The following BAHCC1 variants were observed in gnomAD, a reference collection of about 807,000 sequenced individuals.
BAHCC1 encodes the protein BAH domain and coiled-coil containing 1.
A neutral mutation model predicts 88.2 loss-of-function variants in BAHCC1; 43 were observed. The ratio of observed to expected loss-of-function variants is 0.49; its 90% CI spans 0.38 to 0.63. The LOEUF (loss-of-function observed/expected upper bound fraction) is 0.63. Ranked by LOEUF, BAHCC1 falls within the 20% of genes least tolerant of loss-of-function variation. BAHCC1 has a pLI of 0.00. For synonymous variants in BAHCC1, 1,510 were observed against 745.5 expected, an observed-to-expected ratio of 2.03 and a Z score of -16.71; for missense variants, 3,023 against 1,654.8, an observed-to-expected ratio of 1.83 and a Z score of -14.34.
At chr17:81,440,762 C>A (rs551344048) in intron 4 of BAHCC1, among the ~76,000 whole-genome samples, 26 of 152,326 alleles carry the variant, frequency 1.7e-4, no homozygotes, top group African/African-American at 6.3e-4. Flanking sequence ...CACTCACCCC[C>A]CACCAGGCAG....
At position 81,444,551 on chromosome 17, in the gene BAHCC1, T is replaced by TG. The variant is rs1555653772; in HGVS notation, c.2502dup (p.His835AlafsTer245). On this transcript the variant is annotated frameshift_variant, in exon 7 of 28. Transcript: ENST00000675386. LOFTEE classifies it high-confidence loss of function. ...CGCACCCGCAGCCCCTCCCTGTGGA[T>TG]GGGGGGGCACTCCTACGGTCAGTGA... 3 of 720,254 alleles carry TG rather than the reference T, an allele frequency of 4.2e-6. No homozygotes were observed. Among genetic ancestry groups the TG allele is most frequent in the South Asian group, 1.5e-5 (1 of 66,800 alleles). The allele number at this position is 720,254 out of a possible 1,614,324, so 44.6% of individuals were successfully genotyped here.
Position 81,447,315 on chromosome 17 carries a change from C to A in BAHCC1, c.3443C>A (p.Pro1148His). 2.7e-6 allele frequency: 2 copies of A among 743,700 alleles called. No individual in the cohort carries two copies. Among genetic ancestry groups the A allele is most frequent in the Admixed American group, 1.9e-5 (1 of 52,162 alleles). The allele number at this position is 743,700 out of a possible 1,614,324, so 46.1% of individuals were successfully genotyped here. A position where few individuals can be genotyped will look rare whatever the true frequency, so the allele number is the denominator to read the frequency against. The change falls in exon 11 of 28, where the codon CCC becomes CAC. Residue 1148 changes from proline to histidine, a missense_variant. Transcript: ENST00000675386. ...ERGPQGKAAD[P>H]SPLEGLQELQ... ...GGACCCCAGGGGAAGGCAGCGGACC[C>A]CAGCCCACTAGAGGGGCTACAAGAA... is the stretch of plus-strand genomic sequence containing the variant.
chr17:81,460,027 C>T (rs543315704), intron 23 of BAHCC1, among the ~76,000 whole-genome samples: 4 of 152,032 alleles, frequency 2.6e-5, no homozygotes, highest in Middle Eastern at 3.4e-3. Context: ...GGCACGTGGG[C>T]GTCAGCACGT....
rs2063949109 is a variant in BAHCC1 at position 81,411,439 on chromosome 17, G to T, written c.178+11522G>T. On this transcript the variant is annotated intron_variant, in intron 2 of 27. Coordinates refer to ENST00000675386, the MANE Select transcript of BAHCC1 (RefSeq NM_001377448.1). The surrounding 1 kb of genome is among the most constrained non-coding windows in gnomAD (Gnocchi z 6.2). Reference sequence around the variant, plus strand: ...TGATCAGGGAGGGTGGGGTTGGGGGGGAACAGGGTCCTTGAGGTCGTCAGC... The same window carrying T: ...TGATCAGGGAGGGTGGGGTTGGGGGTGAACAGGGTCCTTGAGGTCGTCAGC... 1 of 360,072 alleles carries T rather than the reference G, an allele frequency of 2.8e-6. No individual in the cohort carries two copies. Among genetic ancestry groups the T allele is most frequent in the Admixed American group, 3.5e-5 (1 of 28,746 alleles). The allele number at this position is 360,072 out of a possible 1,614,324, so 22.3% of individuals were successfully genotyped here. A position where few individuals can be genotyped will look rare whatever the true frequency, so the allele number is the denominator to read the frequency against.
At chr17:81,408,078 G>C (rs912240423) in intron 2 of BAHCC1, among the ~76,000 whole-genome samples, 1 of 152,162 alleles carries the variant, frequency 6.6e-6, no homozygotes, top group Non-Finnish European at 1.5e-5. Flanking sequence ...CGCCTTCCCC[G>C]GCCCCCTTCC....
At chr17:81,405,465 C>T (rs908689853) in intron 2 of BAHCC1, among the ~76,000 whole-genome samples, 6 of 152,032 alleles carry the variant, frequency 3.9e-5, no homozygotes, top group Non-Finnish European at 1.5e-5. Context: ...CCCTTTACTC[C>T]CTCCTCTTCC....
At chr17:81,402,425 T>C (rs2063829176) in intron 2 of BAHCC1, 1 of 152,252 alleles carries the variant, frequency 6.6e-6, no homozygotes, top group Non-Finnish European at 1.5e-5. Flanking sequence ...CTATATATGA[T>C]CTAGTTTAGA....
intron 3 of BAHCC1, among the ~76,000 whole-genome samples, chr17:81,437,609 C>T (rs1210059461): frequency 5.3e-5 from 8 of 152,312 alleles, no homozygotes; most frequent in East Asian, 3.9e-4. Flanking sequence ...GGGCCAGCCG[C>T]GTGGGTGGCT....
chr17:81,453,555 T>C (rs1388350170), intron 14 of BAHCC1, among the ~76,000 whole-genome samples: 2 of 152,066 alleles, frequency 1.3e-5, no homozygotes, highest in Non-Finnish European at 2.9e-5. Context: ...GGAGGGGCTG[T>C]GTGGCTGTGG....
chr17:81,459,249 C>G lies in BAHCC1; in HGVS notation c.5721-4C>G. ...TGGCACCTCACATTCCCCAATGCCC[C>G]CAGCTATAGCATCGTCATCGAGGGC... On this transcript the variant is annotated splice_polypyrimidine_tract_variant and splice_region_variant and intron_variant, in intron 21 of 27. Transcript: ENST00000675386. 1 of 778,918 alleles carries G rather than the reference C, an allele frequency of 1.3e-6. No individual in the cohort carries two copies. Among genetic ancestry groups the G allele is most frequent in the Non-Finnish European group, 2.4e-6 (1 of 417,492 alleles). 48.3% of individuals were successfully genotyped at this position (778,918 alleles called of 1,614,324 possible).
intron 5 of BAHCC1, 46 bp from the exon 6 acceptor site, chr17:81,443,763 C>T (rs1555653431): frequency 1.3e-5 from 9 of 701,654 alleles, no homozygotes; most frequent in Middle Eastern, 2.3e-4. Context: ...TGGTGGCTCC[C>T]TGGCCGCCCC....
At chr17:81,405,437 GT>G (rs377290429) in intron 2 of BAHCC1, among the ~76,000 whole-genome samples, 101 of 152,226 alleles carry the variant, frequency 6.6e-4, no homozygotes, top group African/African-American at 2.2e-3. Flanking sequence ...CCACCCTGGG[GT>G]TGGAGTAAGG....
chr17:81,451,998 C>A lies in BAHCC1; in HGVS notation c.4207C>A (p.Arg1403=). Reference sequence around the variant, plus strand: ...GTGCCCCCTGAAGGCCGCCATCGACCGGCTGGACACGCAGGAGGTGGGGAT... The same window carrying A: ...GTGCCCCCTGAAGGCCGCCATCGACAGGCTGGACACGCAGGAGGTGGGGAT... ...PVCPLKAAID[R]LDTQEVGMRV... Residue 1403 remains arginine (R), a synonymous_variant, in exon 13 of 28, where the codon CGG becomes AGG. Transcript: ENST00000675386. 2 of 634,682 alleles carry A rather than the reference C, an allele frequency of 3.2e-6. No homozygotes were observed. The highest frequency in any genetic ancestry group is 2.8e-6 in the Non-Finnish European group (1 of 356,278). 39.3% of individuals were successfully genotyped at this position (634,682 alleles called of 1,614,324 possible). A position where few individuals can be genotyped will look rare whatever the true frequency, so the allele number is the denominator to read the frequency against.
At position 81,461,072 on chromosome 17, in the gene BAHCC1, G is replaced by T. The variant is rs1555659116; in HGVS notation, c.6409G>T (p.Ala2137Ser). The change falls in exon 26 of 28, where the codon GCC (alanine) becomes TCC (serine). Residue 2137 changes from alanine to serine, a missense_variant. Physicochemically the swap from Ala to Ser is moderately conservative, Grantham distance 99. Coordinates refer to ENST00000675386, the MANE Select transcript of BAHCC1 (RefSeq NM_001377448.1). ...CAGCAAGAAGCTGCGGGCCCGCGAG[G>T]CCCTGTTCCCCGTGCACAGCGTGGC... is the stretch of plus-strand genomic sequence containing the variant. Reference protein sequence around the residue: ...GSSKKLRAREALFPVHSVATP... With the variant: ...GSSKKLRARESLFPVHSVATP... The T allele has an allele frequency of 1.3e-6, 1 of 770,268 alleles. No homozygotes were observed. 47.7% of individuals were successfully genotyped at this position (770,268 alleles called of 1,614,324 possible). A position where few individuals can be genotyped will look rare whatever the true frequency, so the allele number is the denominator to read the frequency against.
chr17:81,414,204 G>A (rs1176075965), intron 2 of BAHCC1, among the ~76,000 whole-genome samples: 2 of 152,240 alleles, frequency 1.3e-5, no homozygotes, highest in Non-Finnish European at 2.9e-5. Context: ...TCCTCCCATG[G>A]CAGGACCTGT....
At chr17:81,433,579 A>G (rs2064295947) in intron 3 of BAHCC1, among the ~76,000 whole-genome samples, 1 of 145,246 alleles carries the variant, frequency 6.9e-6, no homozygotes, top group Non-Finnish European at 1.5e-5. Context: ...AGGTGTCATC[A>G]GTCCACCGAG....
intron 5 of BAHCC1, 44 bp downstream of exon 5, chr17:81,443,608 G>T (rs1387311890): frequency 1.6e-6 from 1 of 621,768 alleles, no homozygotes; most frequent in East Asian, 2.7e-5. Flanking sequence ...GGACAGTCTA[G>T]GGGGCCCAGC....
intron 3 of BAHCC1, among the ~76,000 whole-genome samples, chr17:81,429,701 T>C (rs1311000378): frequency 5.3e-5 from 8 of 152,104 alleles, no homozygotes; most frequent in African/African-American, 1.9e-4. Flanking sequence ...CGTTTCCTCC[T>C]AGTGGCCCAG....
chr17:81,418,788 C>CGTGTGTGTGTGTGT (rs1393659232), intron 2 of BAHCC1, among the ~76,000 whole-genome samples: 10 of 4,276 alleles, frequency 2.3e-3, no homozygotes, highest in East Asian at 9.6e-3. Context: ...TGTGTGTGTA[C>CGTGTGTGTGTGTGT]GTGTGTGCGT....
Sources: allele counts gnomAD v4.1 joint callset (sites outside exome capture counted in the v4.1 genomes callset), GRCh38; gene constraint gnomAD v4.1.1; non-coding constraint Gnocchi (gnomAD v3.1); transcripts MANE v1.5; gene names NCBI Gene and HGNC (gene_info 2026-07-23, HGNC 2026-07-21).